SF1: variants seen among roughly 807,000 people sequenced by gnomAD.
SF1 encodes the protein branch point-binding protein.
In SF1, 7 loss-of-function variants were observed where a neutral mutation model predicts 62.5. That is an observed-to-expected ratio of 0.11 (90% CI 0.06 to 0.21). SF1 has a LOEUF of 0.21. SF1 is among the 10% of genes least tolerant of loss of function. The pLI is 1.00. For synonymous variants in SF1, 394 were observed against 323.6 expected (o/e 1.22, Z -2.33); for missense variants, 578 against 884.0 (o/e 0.65, Z 4.39).
At chr11:64,766,698 C>G in intron 12 of SF1, 1 of 475,806 alleles carries the variant, frequency 2.1e-6, no homozygotes, top group Non-Finnish European at 3.7e-6. Flanking sequence ...AACCTCTCCC[C>G]AGACACAACC....
At chr11:64,766,860 C>CAA in intron 12 of SF1, 40 bp downstream of exon 12, 1 of 639,302 alleles carries the variant, frequency 1.6e-6, no homozygotes, top group Non-Finnish European at 2.6e-6. Context: ...GCCCCACCCC[C>CAA]ATCCCACCCA....
At chr11:64,770,182 T>C (rs1386355062) in intron 4 of SF1, 74 bp downstream of exon 4, 2 of 1,573,334 alleles carry the variant, frequency 1.3e-6, no homozygotes, top group African/African-American at 1.3e-5. Flanking sequence ...GTAGTACCAA[T>C]ACTGTCCCAT....
intron 1 of SF1, 33 bp downstream of exon 1, chr11:64,778,306 CTCGAAGCCTCCTTTGGGCCCGGG>C: frequency 1.6e-6 from 2 of 1,221,780 alleles, no homozygotes; most frequent in Non-Finnish European, 2.0e-6. Context: ...GAGGGCCCGG[CTCGAAGCCTCCTTTGGGCCCGGG>C]GAGCGGGGGC....
intron 3 of SF1, chr11:64,772,876 C>A (rs1335301053): frequency 1.3e-4 from 126 of 985,678 alleles, no homozygotes; most frequent in Non-Finnish European, 1.5e-4. Context: ...CCCCTCCCAA[C>A]ACCCCCAAGG....
chr11:64,773,820 C>A (rs1177196870), intron 2 of SF1, among the ~76,000 whole-genome samples: 1 of 152,150 alleles, frequency 6.6e-6, no homozygotes, highest in Non-Finnish European at 1.5e-5. Flanking sequence ...CCTCTTCCTC[C>A]CCACCAAGGC....
intron 2 of SF1, 58 bp downstream of exon 2, chr11:64,776,440 T>C: frequency 1.9e-6 from 3 of 1,547,342 alleles, no homozygotes; most frequent in Non-Finnish European, 2.6e-6. Context: ...ATGCAGATCT[T>C]GCTCAGAATA....
intron 2 of SF1, among the ~76,000 whole-genome samples, chr11:64,774,786 C>T (rs927517213): frequency 5.3e-5 from 8 of 151,908 alleles, no homozygotes; most frequent in African/African-American, 9.7e-5. Context: ...GGTGAAACCC[C>T]GTCTCTACTA....
intron 1 of SF1, chr11:64,777,960 C>G (rs1196618441): frequency 2.0e-6 from 2 of 989,446 alleles, no homozygotes; most frequent in African/African-American, 3.5e-5. Context: ...CGCGCGACGC[C>G]TCTCGCGCTC....
intron 4 of SF1, 87 bp from the exon 5 acceptor site, chr11:64,770,140 G>T: frequency 6.5e-7 from 1 of 1,539,968 alleles, no homozygotes; most frequent in Non-Finnish European, 9.0e-7. Flanking sequence ...GGTACCAAGT[G>T]CTAATTATGG....
Position 64,770,241 on chromosome 11 carries a change from A to C in SF1, c.389+15T>G, listed in dbSNP as rs1242069660. 1 of 1,608,942 alleles carries C rather than the reference A, an allele frequency of 6.2e-7. No individual in the cohort carries two copies. Reference sequence around the variant, plus strand: ...CATGTGTCTTCATCCCAGATGACCGAGCCCCTCCGCTTACTTGTAATCTGC... The same window carrying C: ...CATGTGTCTTCATCCCAGATGACCGCGCCCCTCCGCTTACTTGTAATCTGC... On this transcript the variant is annotated intron_variant, in intron 4 of 12. Transcript: ENST00000377390.
chr11:64,767,665 G>A lies in SF1; in HGVS notation c.1248C>T (p.Asn416=). Residue 416 remains asparagine, a synonymous_variant, in exon 10 of 13, where the codon AAC becomes AAT. Coordinates refer to ENST00000377390, the MANE Select transcript of SF1 (RefSeq NM_004630.4). ...GGHGGHPMQH[N]PNGPPPPWMQ... Reference sequence around the variant, plus strand: ...TCCAAGGGGGTGGGGGTCCATTGGGGTTGTGCTGCATGGGATGTCCACCAT... The same window carrying A: ...TCCAAGGGGGTGGGGGTCCATTGGGATTGTGCTGCATGGGATGTCCACCAT... 1 of 1,607,344 alleles carries A rather than the reference G, an allele frequency of 6.2e-7. No homozygotes were observed. Among genetic ancestry groups the A allele is most frequent in the Non-Finnish European group, 8.5e-7 (1 of 1,176,664 alleles).
rs751698056 is a variant in SF1 at position 64,768,107 on chromosome 11, G to A, written c.1067C>T (p.Pro356Leu). 1.5e-5 allele frequency: 24 copies of A among 1,608,468 alleles called. No homozygotes were observed. The highest frequency in any genetic ancestry group is 2.2e-5 in the East Asian group (1 of 44,720). The change falls in exon 9 of 13, where the codon CCG becomes CTG. Residue 356 changes from proline to leucine, a missense_variant and splice_region_variant. By Grantham distance (98) the Pro-to-Leu change is moderately conservative (BLOSUM62 -3). Coordinates refer to ENST00000377390, the MANE Select transcript of SF1 (RefSeq NM_004630.4). ...PAAPANNPPP[P>L]SLMSTTQSRP... is the part of the protein sequence containing the mutation. ...AAGAGAGCCAGCCCCCAGGCTCACC[G>A]GTGGAGGTGGGTTGTTGGCGGGAGC...
chr11:64,768,056 G>C (rs749583566), intron 9 of SF1, 50 bp downstream of exon 9: 1 of 1,556,120 alleles, frequency 6.4e-7, no homozygotes, highest in Non-Finnish European at 8.7e-7. Context: ...CCCAGTCTCT[G>C]CAGTAGAGAA....
Position 64,769,005 on chromosome 11 carries a change from A to T in SF1, c.887+17T>A. 6.3e-7 allele frequency: 1 copy of T among 1,578,368 alleles called. No homozygotes were observed. Among genetic ancestry groups the T allele is most frequent in the African/African-American group, 1.3e-5 (1 of 74,256 alleles). On this transcript the variant is annotated intron_variant, in intron 8 of 12. Transcript: ENST00000377390. The stretch of plus-strand genomic sequence containing the variant: ...ACATCGCAGGCTACCAGGAAACCGC[A>T]AGAGCCAGCCCCTCACCTTTGGAAT...
In SF1 at chr11:64,767,123, G is replaced by C. The variant is rs1377263908; in HGVS notation, c.1403-44C>G. 5.0e-6 allele frequency: 8 copies of C among 1,611,718 alleles called. No individual in the cohort carries two copies. In the South Asian group the frequency reaches 6.6e-5, roughly 13 times the overall value. On this transcript the variant is annotated intron_variant, in intron 11 of 12. Transcript: ENST00000377390. ...AAAGATGAGGCCTCAGGGAAAGGCGGGGACTTGGGCCAGAACCCCCACTCA... is the reference window on the plus strand; with the variant it reads ...AAAGATGAGGCCTCAGGGAAAGGCGCGGACTTGGGCCAGAACCCCCACTCA...
chr11:64,773,958 C>T lies in SF1; in HGVS notation c.161-453G>A, dbSNP rs143906288. 2.9e-4 allele frequency among the ~76,000 whole-genome samples: 44 copies of T among 152,232 alleles called. 1 individual carries two copies. In the East Asian group the frequency reaches 7.3e-3, roughly 25 times the overall value. ...ATGTTAAACATAGCCCAAAATGAGA[C>T]CCAATTAACATGGGACAAGGAAAAA... On this transcript the variant is annotated intron_variant, in intron 2 of 12. Transcript: ENST00000377390.
At chr11:64,777,906 C>T (rs1239175068) in intron 1 of SF1, 2 of 948,600 alleles carry the variant, frequency 2.1e-6, no homozygotes, top group East Asian at 1.2e-4. Flanking sequence ...CGCGTGCAGC[C>T]GCCGTCGCCG....
At chr11:64,776,951 T>G (rs1939368958) in intron 1 of SF1, among the ~76,000 whole-genome samples, 1 of 152,144 alleles carries the variant, frequency 6.6e-6, no homozygotes, top group Admixed American at 6.6e-5. Flanking sequence ...CAACCATGAG[T>G]GCTCTGAAAT....
intron 4 of SF1, 56 bp downstream of exon 4, chr11:64,770,200 G>A (rs1383296151): frequency 1.0e-5 from 16 of 1,591,594 alleles, no homozygotes; most frequent in Non-Finnish European, 1.3e-5. Flanking sequence ...CATCCCAGCA[G>A]GTCACCCATG....
Sources: gnomAD v4.1 joint callset for allele counts (sites outside exome capture counted in the v4.1 genomes callset) on GRCh38, gnomAD v4.1.1 for gene constraint, MANE v1.5 for transcripts, NCBI Gene and HGNC (gene_info 2026-07-23, HGNC 2026-07-21) for gene names.